The following HDAC9 variants were observed in gnomAD, a reference collection of about 807,000 sequenced individuals.
HDAC9 encodes MEF-2 interacting transcription repressor (MITR) protein.
A neutral mutation model predicts 139.4 loss-of-function variants in HDAC9; 41 were observed. The ratio of observed to expected loss-of-function variants is 0.29; its 90% CI spans 0.23 to 0.38. The LOEUF (loss-of-function observed/expected upper bound fraction) is 0.38, where lower values mean the gene tolerates loss of function less well. HDAC9 is among the 10% of genes least tolerant of loss of function. HDAC9 has a pLI of 1.00. For synonymous variants in HDAC9, 517 were observed against 476.2 expected, an observed-to-expected ratio of 1.09 and a Z score of -1.12; for missense variants, 1,147 against 1,297.0, an observed-to-expected ratio of 0.88 and a Z score of 1.78.
intron 22 of HDAC9, among the ~76,000 whole-genome samples, chr7:18,883,672 C>T (rs1799905555): frequency 6.6e-6 from 1 of 151,864 alleles, no homozygotes; most frequent in South Asian, 2.1e-4. Flanking sequence ...AGCATACTAA[C>T]AGAAGTTCTA....
At chr7:18,851,171 T>G (rs962331684) in intron 21 of HDAC9, among the ~76,000 whole-genome samples, 1 of 152,218 alleles carries the variant, frequency 6.6e-6, no homozygotes, top group Non-Finnish European at 1.5e-5. Context: ...GCAGCTGAGC[T>G]GCAGTATCTA....
At chr7:18,553,562 A>G (rs1404572163) in intron 2 of HDAC9, among the ~76,000 whole-genome samples, 1 of 152,216 alleles carries the variant, frequency 6.6e-6, no homozygotes, top group Non-Finnish European at 1.5e-5. Flanking sequence ...ATAACATATT[A>G]GGTGTTAAGC....
At chr7:18,920,806 T>C (rs1803640406) in intron 22 of HDAC9, among the ~76,000 whole-genome samples, 1 of 152,106 alleles carries the variant, frequency 6.6e-6, no homozygotes, top group African/African-American at 2.4e-5. Flanking sequence ...TTATTGATTT[T>C]CGTATGTTGA....
intron 17 of HDAC9, among the ~76,000 whole-genome samples, chr7:18,817,152 A>G (rs549362053): frequency 1.7e-3 from 260 of 151,718 alleles, no homozygotes; most frequent in Non-Finnish European, 3.2e-3. Context: ...CTTCTGCCTC[A>G]GCCTCCTGAG....
chr7:18,971,571 T>A (rs1784245573), intron 24 of HDAC9, among the ~76,000 whole-genome samples: 1 of 152,222 alleles, frequency 6.6e-6, no homozygotes, highest in South Asian at 2.1e-4. Flanking sequence ...CCATAAATTA[T>A]GGGGTTTGAA....
At chr7:18,733,148 CAT>C (rs906827222) in intron 13 of HDAC9, among the ~76,000 whole-genome samples, 6 of 145,368 alleles carry the variant, frequency 4.1e-5, no homozygotes, top group African/African-American at 1.0e-4. Flanking sequence ...CATGTATACA[CAT>C]ATATACACGT....
Position 18,133,224 on chromosome 7 carries a change from G to A in HDAC9, c.-96-29005G>A, listed in dbSNP as rs149252963. On this transcript the variant is annotated intron_variant, in intron 1 of 12. Coordinates refer to the HDAC9 transcript ENST00000417496. ...AAATAGAACAAATTCCACAAAAATT[G>A]CCCATGGCATATCAGTAAAATACAG... is the stretch of plus-strand genomic sequence containing the variant. Among the ~76,000 whole-genome samples, 481 of 152,170 alleles carry A rather than the reference G, an allele frequency of 3.2e-3. 1 individual carries two copies. The highest frequency in any genetic ancestry group is 0.011 in the African/African-American group (469 of 41,514).
intron 1 of HDAC9, among the ~76,000 whole-genome samples, chr7:18,388,386 G>A (rs889940751): frequency 6.6e-6 from 1 of 152,218 alleles, no homozygotes; most frequent in South Asian, 2.1e-4. Context: ...TTCCATGTAA[G>A]TCTGAAGCCC....
At chr7:18,880,489 C>T (rs906944557) in intron 22 of HDAC9, among the ~76,000 whole-genome samples, 1 of 152,060 alleles carries the variant, frequency 6.6e-6, no homozygotes, top group Non-Finnish European at 1.5e-5. Flanking sequence ...AGAACAAGCT[C>T]ATGTCTTTTG....
intron 15 of HDAC9, among the ~76,000 whole-genome samples, chr7:18,766,187 G>A (rs1468906712): frequency 6.6e-6 from 1 of 152,152 alleles, no homozygotes; most frequent in Non-Finnish European, 1.5e-5. Flanking sequence ...CCACTGAACT[G>A]CTGAGTGACA....
At chr7:18,785,908 G>A (rs1313937205) in intron 16 of HDAC9, among the ~76,000 whole-genome samples, 1 of 151,608 alleles carries the variant, frequency 6.6e-6, no homozygotes, top group Non-Finnish European at 1.5e-5. Flanking sequence ...AGTTACTATG[G>A]GCAAAAGCTT....
rs56690120 is a variant in HDAC9, at chr7:18,207,539, C to CTTTTTTTTTTTTTTTTTTTT, written c.25+45208_25+45209insTTTTTTTTTTTTTTTTTTTT. Among the ~76,000 whole-genome samples, 213 of 53,738 alleles carry CTTTTTTTTTTTTTTTTTTTT rather than the reference C, an allele frequency of 4.0e-3. 43 individuals carry two copies. Among genetic ancestry groups the CTTTTTTTTTTTTTTTTTTTT allele is most frequent in the Middle Eastern group, 0.026 (1 of 38 alleles). 35.3% of individuals were successfully genotyped at this position (53,738 alleles called of 152,430 possible). On this transcript the variant is annotated intron_variant, in intron 2 of 12. Coordinates refer to the HDAC9 transcript ENST00000417496. ...CTCTCACCTCATCTGCCCAAGGAGT[C>CTTTTTTTTTTTTTTTTTTTT]TTTTTTTTTTTTTTTTTTGATTTGA...
rs1799832578 is a variant in HDAC9, at chr7:18,506,575, T to A, written c.22+10251T>A. ...ATTCTATTCAATTTCTCAATTTTTT[T>A]TTTTTAATCCCATGAAGCTTGGGTT... On this transcript the variant is annotated intron_variant, in intron 2 of 25. Transcript: ENST00000686413. Among the ~76,000 whole-genome samples the A allele has an allele frequency of 2.0e-5, 3 of 152,172 alleles. 1 individual carries two copies. The South Asian group carries it at 6.2e-4, about 32-fold the overall frequency.
intron 24 of HDAC9, among the ~76,000 whole-genome samples, chr7:18,966,780 T>A (rs988492005): frequency 1.3e-5 from 2 of 152,112 alleles, no homozygotes; most frequent in African/African-American, 2.4e-5. Context: ...ATAAAGTATG[T>A]TCAGGAAATA....
chr7:18,408,162 G>A (rs1788196966), intron 1 of HDAC9, among the ~76,000 whole-genome samples: 1 of 152,070 alleles, frequency 6.6e-6, no homozygotes, highest in African/African-American at 2.4e-5. Context: ...TGACAAAAGG[G>A]GATGAATTGT....
intron 1 of HDAC9, among the ~76,000 whole-genome samples, chr7:18,417,123 T>C (rs1361850901): frequency 2.6e-5 from 4 of 152,184 alleles, no homozygotes; most frequent in Non-Finnish European, 5.9e-5. Flanking sequence ...TTTTATTATC[T>C]AATTTTCTAT....
chr7:18,557,523 A>G (rs1300586158), intron 2 of HDAC9, among the ~76,000 whole-genome samples: 1 of 150,932 alleles, frequency 6.6e-6, no homozygotes, highest in African/African-American at 2.4e-5. Context: ...TTCATGAAAG[A>G]TAGACTTTAT....
At chr7:18,704,855 A>G (rs1331540811) in intron 12 of HDAC9, among the ~76,000 whole-genome samples, 1 of 152,210 alleles carries the variant, frequency 6.6e-6, no homozygotes, top group Non-Finnish European at 1.5e-5. Flanking sequence ...AGGAAATTGA[A>G]GTAAAACATC....
intron 1 of HDAC9, among the ~76,000 whole-genome samples, chr7:18,458,163 T>C (rs1343999165): frequency 6.6e-6 from 1 of 152,198 alleles, no homozygotes; most frequent in African/African-American, 2.4e-5. Flanking sequence ...AAAGAGACGC[T>C]CACCCTCTCA....
Sources: gnomAD v4.1 joint callset for allele counts (sites outside exome capture counted in the v4.1 genomes callset) on GRCh38, gnomAD v4.1.1 for gene constraint, MANE v1.5 for transcripts, NCBI Gene and HGNC (gene_info 2026-07-23, HGNC 2026-07-21) for gene names.